PHACTR1: variants seen among roughly 807,000 people sequenced by gnomAD.
The protein encoded by PHACTR1 is phosphatase and actin regulator 1.
PHACTR1 carries 16 observed loss-of-function variants against 69.2 expected under a neutral mutation model. That is an observed-to-expected ratio of 0.23 (90% CI 0.16 to 0.35). The LOEUF (loss-of-function observed/expected upper bound fraction) is 0.35, where lower values mean the gene tolerates loss of function less well. Ranked by LOEUF, PHACTR1 falls within the 10% of genes least tolerant of loss-of-function variation. The pLI is 1.00. For synonymous variants in PHACTR1, 312 were observed against 284.5 expected, an observed-to-expected ratio of 1.10 and a Z score of -0.97; for missense variants, 510 against 734.7, an observed-to-expected ratio of 0.69 and a Z score of 3.54.
intron 3 of PHACTR1, among the ~76,000 whole-genome samples, chr6:12,743,698 A>G (rs1038220402): frequency 6.6e-6 from 1 of 152,168 alleles, no homozygotes; most frequent in Non-Finnish European, 1.5e-5. Flanking sequence ...CTACCACACA[A>G]TAATAATGGG....
intron 4 of PHACTR1, among the ~76,000 whole-genome samples, chr6:12,801,226 G>T (rs896404721): frequency 6.6e-6 from 1 of 152,196 alleles, no homozygotes; most frequent in South Asian, 2.1e-4. Flanking sequence ...AGGCTGAAAA[G>T]GTCGTTGCAA....
chr6:12,871,982 C>T (rs1410780270), intron 4 of PHACTR1, among the ~76,000 whole-genome samples: 1 of 151,342 alleles, frequency 6.6e-6, no homozygotes. Context: ...TACCAATTTT[C>T]AGAATGAGTT....
chr6:12,796,927 A>T (rs1422970755), intron 4 of PHACTR1, among the ~76,000 whole-genome samples: 1 of 152,072 alleles, frequency 6.6e-6, no homozygotes. Flanking sequence ...GAAATGTGCT[A>T]ACAAACTTGC....
chr6:13,216,669 G>C (rs1211798383), intron 8 of PHACTR1, among the ~76,000 whole-genome samples: 1 of 152,054 alleles, frequency 6.6e-6, no homozygotes, highest in Non-Finnish European at 1.5e-5. Flanking sequence ...TCTTACTTTA[G>C]GTCAGTTCTT....
chr6:12,782,125 A>G (rs978536685), intron 4 of PHACTR1, among the ~76,000 whole-genome samples: 2 of 152,144 alleles, frequency 1.3e-5, no homozygotes, highest in African/African-American at 4.8e-5. Context: ...AACAAAGAAC[A>G]TTTCCCAGTC....
At chr6:13,076,765 A>G (rs1002125878) in intron 5 of PHACTR1, among the ~76,000 whole-genome samples, 7 of 151,984 alleles carry the variant, frequency 4.6e-5, no homozygotes, top group African/African-American at 1.7e-4. Flanking sequence ...GACATTCCAG[A>G]TGCAGGAAGA....
intron 4 of PHACTR1, among the ~76,000 whole-genome samples, chr6:12,832,007 C>T (rs1777632813): frequency 6.6e-6 from 1 of 152,050 alleles, no homozygotes; most frequent in Admixed American, 6.5e-5. Flanking sequence ...ACTCAGGAGG[C>T]TGAGGTGGAA....
chr6:13,055,000 G>A (rs537483756), intron 5 of PHACTR1, among the ~76,000 whole-genome samples: 29 of 152,106 alleles, frequency 1.9e-4, no homozygotes, highest in Non-Finnish European at 4.1e-4. Flanking sequence ...AATAGGAGAT[G>A]TGCTTCTTGT....
intron 6 of PHACTR1, among the ~76,000 whole-genome samples, chr6:13,173,333 G>A (rs1760863623): frequency 6.6e-6 from 1 of 152,090 alleles, no homozygotes; most frequent in South Asian, 2.1e-4. Context: ...TCAAATGATA[G>A]TCACACTCAT....
At chr6:12,806,150 A>G (rs556052200) in intron 4 of PHACTR1, among the ~76,000 whole-genome samples, 13 of 152,228 alleles carry the variant, frequency 8.5e-5, no homozygotes, top group African/African-American at 1.7e-4. Flanking sequence ...CCTGCCTCCA[A>G]AATCTACACC....
intron 4 of PHACTR1, among the ~76,000 whole-genome samples, chr6:13,004,341 C>G (rs929029690): frequency 1.3e-5 from 2 of 151,996 alleles, no homozygotes; most frequent in African/African-American, 2.4e-5. Context: ...GAGATGGTAT[C>G]TTACTATGAT....
At chr6:13,133,280 C>T (rs1177765134) in intron 5 of PHACTR1, among the ~76,000 whole-genome samples, 5 of 135,156 alleles carry the variant, frequency 3.7e-5, no homozygotes, top group African/African-American at 1.4e-4. Context: ...CCCTCTCCCT[C>T]TTCCTCTCCC....
chr6:13,031,642 C>T (rs769215484), intron 4 of PHACTR1, among the ~76,000 whole-genome samples: 1 of 152,128 alleles, frequency 6.6e-6, no homozygotes, highest in Non-Finnish European at 1.5e-5. Flanking sequence ...ATTGTTCTAC[C>T]TGTCTAGCAG....
chr6:12,718,972 C>A, intron 3 of PHACTR1, 125 bp downstream of exon 3: 1 of 492,928 alleles, frequency 2.0e-6, no homozygotes, highest in Non-Finnish European at 3.6e-6. Flanking sequence ...AAGTTGATAA[C>A]CTCTACCAAA....
rs202046 is a variant in PHACTR1, at chr6:13,275,338, T to C, written c.1447+2423T>C. 0.78 allele frequency: 118,848 copies of C among 152,306 alleles called. 47,004 individuals carry two copies. The highest frequency in any genetic ancestry group is 0.85 in the Admixed American group (13,016 of 15,298). 9.4% of individuals were successfully genotyped at this position (152,306 alleles called of 1,614,324 possible). ...GTAGGCCTTTCCTGGCCTGTCTTCC[T>C]AGTTGCCTAATGGGGTTGTCTTGGT... On this transcript the variant is annotated intron_variant, in intron 11 of 14. Transcript: ENST00000332995. The surrounding 1 kb of genome is among the most constrained non-coding windows in gnomAD (Gnocchi z 4.0).
intron 10 of PHACTR1, among the ~76,000 whole-genome samples, chr6:13,257,334 C>T (rs1185686320): frequency 6.6e-6 from 1 of 152,158 alleles, no homozygotes; most frequent in Non-Finnish European, 1.5e-5. Context: ...CAGGCTGCAC[C>T]TCCAACACTG....
intron 6 of PHACTR1, among the ~76,000 whole-genome samples, chr6:13,180,964 A>G (rs965062826): frequency 6.6e-6 from 1 of 151,864 alleles, no homozygotes; most frequent in African/African-American, 2.4e-5. Context: ...TTTTACTACC[A>G]TTTTGGGCAT....
At chr6:12,988,676 C>T (rs1796467794) in intron 4 of PHACTR1, among the ~76,000 whole-genome samples, 2 of 152,182 alleles carry the variant, frequency 1.3e-5, no homozygotes, top group Admixed American at 1.3e-4. Context: ...AGCAATTTGA[C>T]CAGCATCATG....
intron 4 of PHACTR1, among the ~76,000 whole-genome samples, chr6:13,003,509 T>C (rs1211177613): frequency 6.6e-6 from 1 of 152,196 alleles, no homozygotes; most frequent in South Asian, 2.1e-4. Flanking sequence ...AGATCCTTCA[T>C]CTTTAGGAAG....
Sources: gnomAD v4.1 joint callset for allele counts (sites outside exome capture counted in the v4.1 genomes callset) on GRCh38, gnomAD v4.1.1 for gene constraint, Gnocchi (gnomAD v3.1) non-coding constraint, MANE v1.5 for transcripts, NCBI Gene and HGNC (gene_info 2026-07-23, HGNC 2026-07-21) for gene names.